Variants in FBXO25 observed in about 807,000 individuals in gnomAD.
FBXO25 encodes F-box only protein 25.
A neutral mutation model predicts 51.9 loss-of-function variants in FBXO25; 45 were observed. The observed-to-expected ratio is 0.87, with a 90% CI of 0.68 to 1.11. The LOEUF is 1.11. Ranked by LOEUF, FBXO25 falls within the 50% of genes most tolerant of loss-of-function variation. The probability of loss-of-function intolerance (pLI) is 0.00; values close to 1 mark genes in which losing one functional copy is unlikely to be tolerated. For missense variants in FBXO25, 507 were observed against 428.5 expected (o/e 1.18, Z -1.62); for synonymous variants, 199 against 151.0 (o/e 1.32, Z -2.33).
chr8:428,718 C>T (rs1046662679), intron 2 of FBXO25, among the ~76,000 whole-genome samples: 3 of 152,194 alleles, frequency 2.0e-5, no homozygotes, highest in African/African-American at 7.2e-5. Flanking sequence ...CACCCCCAGA[C>T]CTGGTAACTG....
rs1018032939 is a variant in FBXO25, at chr8:457,483, G to A, written c.661-886G>A. Among the ~76,000 whole-genome samples, 9 of 152,288 alleles carry A rather than the reference G, an allele frequency of 5.9e-5. No homozygotes were observed. The East Asian group carries it at 7.7e-4, about 13-fold the overall frequency. On this transcript the variant is annotated intron_variant, in intron 7 of 9. Coordinates refer to ENST00000350302, the MANE Select transcript of FBXO25 (RefSeq NM_183420.2). ...AGATGCATTGCATTTACTCTCTGGC[G>A]TGTGTGAGGGAGAAATGGTTTGTAA...
intron 5 of FBXO25, among the ~76,000 whole-genome samples, chr8:443,053 A>T (rs957740422): frequency 1.3e-5 from 2 of 151,942 alleles, no homozygotes; most frequent in African/African-American, 4.8e-5. Context: ...AGAAATGGCC[A>T]TTTCCATTGA....
intron 8 of FBXO25, among the ~76,000 whole-genome samples, chr8:459,073 T>C (rs1003770326): frequency 6.6e-6 from 1 of 152,124 alleles, no homozygotes; most frequent in Admixed American, 6.5e-5. Context: ...CTTTGCAGGG[T>C]GGTCTGCTTA....
chr8:433,314 C>T (rs544338983), intron 4 of FBXO25, among the ~76,000 whole-genome samples: 72 of 152,170 alleles, frequency 4.7e-4, no homozygotes, highest in African/African-American at 1.5e-3. Context: ...TTCCTGCCTA[C>T]CTGTACATAT....
At chr8:436,500 G>C (rs190140400) in intron 5 of FBXO25, among the ~76,000 whole-genome samples, 3 of 152,176 alleles carry the variant, frequency 2.0e-5, no homozygotes, top group Non-Finnish European at 4.4e-5. Context: ...GTTTGCTTCT[G>C]AGCAGAATTT....
At position 474,348 on chromosome 8, in the gene FBXO25, C is replaced by G; in HGVS notation, c.*5544C>G. Reference sequence around the variant, plus strand: ...TGTTTGTGTACTCATCTGTTGAGGACACTTGAGTTGCTTCCACCTTTTAGC... The same window carrying G: ...TGTTTGTGTACTCATCTGTTGAGGAGACTTGAGTTGCTTCCACCTTTTAGC... On this transcript the variant is annotated 3_prime_UTR_variant, in exon 10 of 10. Coordinates refer to ENST00000350302, the MANE Select transcript of FBXO25 (RefSeq NM_183420.2). 4.0e-6 allele frequency: 1 copy of G among 249,686 alleles called. No homozygotes were observed. Among genetic ancestry groups the G allele is most frequent in the Non-Finnish European group, 7.7e-6 (1 of 129,104 alleles). 15.5% of individuals were successfully genotyped at this position (249,686 alleles called of 1,614,324 possible). A position where few individuals can be genotyped will look rare whatever the true frequency, so the allele number is the denominator to read the frequency against.
chr8:445,690 A>G (rs1798696673), intron 5 of FBXO25, among the ~76,000 whole-genome samples: 1 of 152,174 alleles, frequency 6.6e-6, no homozygotes. Flanking sequence ...TGTCTCTACT[A>G]AAAATACAGA....
intron 1 of FBXO25, among the ~76,000 whole-genome samples, chr8:411,660 C>T (rs1224538210): frequency 2.6e-5 from 4 of 152,086 alleles, no homozygotes; most frequent in Non-Finnish European, 5.9e-5. Flanking sequence ...ATTGCATTTT[C>T]TTGGAGGAAA....
chr8:467,818 T>G, intron 9 of FBXO25: 1 of 1,602,020 alleles, frequency 6.2e-7, no homozygotes, highest in Non-Finnish European at 8.6e-7. Context: ...CTCATGCACG[T>G]CATCTTGGCC....
At chr8:467,150 CG>C (rs1282224939) in intron 9 of FBXO25, among the ~76,000 whole-genome samples, 1 of 151,972 alleles carries the variant, frequency 6.6e-6, no homozygotes, top group African/African-American at 2.4e-5. Context: ...CCTGAACCAG[CG>C]GGGGAGAACA....
At chr8:450,975 G>T (rs927837315) in intron 6 of FBXO25, 2 of 232,252 alleles carry the variant, frequency 8.6e-6, no homozygotes. Flanking sequence ...CTACGAGTTT[G>T]ACTACTCATG....
chr8:459,975 C>T (rs954176745), intron 8 of FBXO25, among the ~76,000 whole-genome samples: 1 of 152,060 alleles, frequency 6.6e-6, no homozygotes, highest in Non-Finnish European at 1.5e-5. Context: ...CAAAAGAATT[C>T]CAGTATTAAT....
At chr8:440,921 C>T (rs1041135929) in intron 5 of FBXO25, among the ~76,000 whole-genome samples, 9 of 145,026 alleles carry the variant, frequency 6.2e-5, no homozygotes, top group African/African-American at 1.8e-4. Flanking sequence ...ATGAACTCAT[C>T]CTTTTTTATG....
intron 9 of FBXO25, among the ~76,000 whole-genome samples, chr8:464,682 C>T (rs148330116): frequency 1.2e-4 from 18 of 152,276 alleles, no homozygotes; most frequent in Middle Eastern, 3.4e-3. Context: ...TACATTTATT[C>T]TAAGTGTGGC....
chr8:437,106 G>T (rs1450505806), intron 5 of FBXO25, among the ~76,000 whole-genome samples: 2 of 151,900 alleles, frequency 1.3e-5, no homozygotes, highest in Non-Finnish European at 2.9e-5. Flanking sequence ...TAATTTGCTG[G>T]GTAGCTTTTC....
rs562754297 is a variant in FBXO25, at chr8:472,151, T to C, written c.*3347T>C. On this transcript the variant is annotated 3_prime_UTR_variant, in exon 10 of 10. Coordinates refer to ENST00000350302, the MANE Select transcript of FBXO25 (RefSeq NM_183420.2). ...AACATCCTTGTCTTGTTCCTCATCT[T>C]AGGGGAAAGCTTTCAGTCTCACCAT... 1.3e-5 allele frequency: 2 copies of C among 152,346 alleles called. No individual in the cohort carries two copies. The highest frequency in any genetic ancestry group is 4.8e-5 in the African/African-American group (2 of 41,582). 9.4% of individuals were successfully genotyped at this position (152,346 alleles called of 1,614,324 possible).
intron 9 of FBXO25, among the ~76,000 whole-genome samples, chr8:466,341 C>T (rs534389022): frequency 3.0e-4 from 46 of 152,254 alleles, no homozygotes; most frequent in African/African-American, 7.9e-4. Flanking sequence ...CTTGCTGCCC[C>T]TCCTAGGGTC....
At position 475,504 on chromosome 8, in the gene FBXO25, T is replaced by C. The variant is rs978778525; in HGVS notation, c.*6700T>C. 7.8e-5 allele frequency: 12 copies of C among 153,018 alleles called. No individual in the cohort carries two copies. The highest frequency in any genetic ancestry group is 2.9e-4 in the African/African-American group (12 of 41,586). 9.5% of individuals were successfully genotyped at this position (153,018 alleles called of 1,614,324 possible). On this transcript the variant is annotated 3_prime_UTR_variant, in exon 10 of 10. Transcript: ENST00000350302. ...TCTGATAGAGATTGCATGAAATCTATAGATTGCTTTGGACTATGGACATCT... is the reference window on the plus strand; with the variant it reads ...TCTGATAGAGATTGCATGAAATCTACAGATTGCTTTGGACTATGGACATCT...
At chr8:438,925 A>T (rs1284569914) in intron 5 of FBXO25, among the ~76,000 whole-genome samples, 1 of 152,036 alleles carries the variant, frequency 6.6e-6, no homozygotes, top group Non-Finnish European at 1.5e-5. Flanking sequence ...TCCCCATCCC[A>T]GTTGAGCCCC....
Sources: gnomAD v4.1 joint callset for allele counts (sites outside exome capture counted in the v4.1 genomes callset) on GRCh38, gnomAD v4.1.1 for gene constraint, MANE v1.5 for transcripts, NCBI Gene and HGNC (gene_info 2026-07-23, HGNC 2026-07-21) for gene names.